The following PRG4 variants were observed in gnomAD, a reference collection of about 807,000 sequenced individuals.
The protein encoded by PRG4 is articular superficial zone protein.
PRG4 carries 61 observed loss-of-function variants against 91.2 expected under a neutral mutation model. The observed-to-expected ratio is 0.67, with a 90% CI of 0.54 to 0.83. The LOEUF (loss-of-function observed/expected upper bound fraction) is 0.83, where lower values mean the gene tolerates loss of function less well. Among genes scored for constraint, PRG4 ranks in the 40% least tolerant of loss-of-function variants. The pLI, the probability that PRG4 is intolerant of heterozygous loss-of-function variation, is 0.00. For synonymous variants in PRG4, 576 were observed against 614.2 expected (o/e 0.94, Z 0.92); for missense variants, 1,564 against 1,714.2 (o/e 0.91, Z 1.55).
chr1:186,296,843 C>T lies in PRG4; in HGVS notation c.-30-3C>T, dbSNP rs770412448. 3.9e-6 allele frequency: 6 copies of T among 1,544,592 alleles called. No homozygotes were observed. In the East Asian group the frequency reaches 1.3e-4, roughly 35 times the overall value. ...TTTTCTGATACTTTTATTTTATTTT[C>T]AGCAAGGGTACCTACGGTACCTGAA... is the stretch of plus-strand genomic sequence containing the variant. On this transcript the variant is annotated splice_region_variant and splice_polypyrimidine_tract_variant and intron_variant, in intron 1 of 12. Coordinates refer to ENST00000445192, the MANE Select transcript of PRG4 (RefSeq NM_005807.6).
intron 10 of PRG4, chr1:186,311,944 GAAATT>G (rs1468379618): frequency 5.0e-5 from 27 of 543,914 alleles, no homozygotes; most frequent in Middle Eastern, 4.8e-4. Context: ...ACTTTCAATT[GAAATT>G]AAATATATAA....
At position 186,306,480 on chromosome 1, in the gene PRG4, C is replaced by T. The variant is rs1160449211; in HGVS notation, c.761C>T (p.Thr254Ile). 1 of 1,613,604 alleles carries T rather than the reference C, an allele frequency of 6.2e-7. No homozygotes were observed. The highest frequency in any genetic ancestry group is 1.3e-5 in the African/African-American group (1 of 74,854). The change falls in exon 7 of 13, where the codon ACA becomes ATA. Residue 254 changes from threonine (T) to isoleucine (I), a missense_variant. Physicochemically the swap from Thr to Ile is moderately conservative, Grantham distance 89. Coordinates refer to ENST00000445192, the MANE Select transcript of PRG4 (RefSeq NM_005807.6). The stretch of plus-strand genomic sequence containing the variant: ...GTCAGCACATCTCCCAAGATCACAA[C>T]AGCAAAACCAATAAATCCCAGACCC... ...NKVSTSPKIT[T>I]AKPINPRPSL... is the part of the protein sequence containing the mutation.
intron 12 of PRG4, chr1:186,313,358 G>A (rs1657425539): frequency 3.1e-6 from 1 of 326,696 alleles, no homozygotes; most frequent in Non-Finnish European, 5.7e-6. Flanking sequence ...TAATATGAAT[G>A]ACATTGGCAT....
chr1:186,306,588 C>T lies in PRG4; in HGVS notation c.869C>T (p.Thr290Ile). The T allele has an allele frequency of 2.5e-6, 4 of 1,613,414 alleles. No homozygotes were observed. Among genetic ancestry groups the T allele is most frequent in the Non-Finnish European group, 3.4e-6 (4 of 1,179,600 alleles). The change falls in exon 7 of 13, where the codon ACT (threonine) becomes ATT (isoleucine). Residue 290 changes from threonine to isoleucine, a missense_variant. Physicochemically the swap from Thr to Ile is moderately conservative, Grantham distance 89. Coordinates refer to ENST00000445192, the MANE Select transcript of PRG4 (RefSeq NM_005807.6). ...KETTVETKET[T>I]TTNKQTSTDG... ...ACAACAGTTGAAACTAAAGAAACTA[C>T]TACAACAAATAAACAGACTTCAACT...
In PRG4 at chr1:186,312,294, G is replaced by T. The variant is rs772720067; in HGVS notation, c.3913G>T (p.Glu1305Ter). The T allele has an allele frequency of 6.2e-6, 10 of 1,613,804 alleles. No individual in the cohort carries two copies. In the South Asian group the frequency reaches 1.1e-4, roughly 18 times the overall value. Residue 1305 changes from glutamate to a stop codon, truncating the protein, a stop_gained, in exon 11 of 13, where the codon GAA becomes TAA. Coordinates refer to ENST00000445192, the MANE Select transcript of PRG4 (RefSeq NM_005807.6). LOFTEE classifies it high-confidence loss of function. ...ETTQVRRRRF[E>*]RAIGPSQTHT... ...GACACAGGTTAGGAGACGTCGCTTT[G>T]AACGTGCTATAGGACCTTCTCAAAC...
Position 186,308,002 on chromosome 1 carries a change from C to T in PRG4, c.2283C>T (p.Thr761=). 1 of 1,608,004 alleles carries T rather than the reference C, an allele frequency of 6.2e-7. No individual in the cohort carries two copies. The highest frequency in any genetic ancestry group is 8.5e-7 in the Non-Finnish European group (1 of 1,178,524). Residue 761 remains threonine (T), a synonymous_variant, in exon 7 of 13, where the codon ACC becomes ACT. Transcript: ENST00000445192. ...PTTPKGTAPT[T]PKEPAPTTPK... ...CCCCTAAGGGGACTGCTCCAACTAC[C>T]CCTAAGGAGCCTGCTCCAACTACCC... is the stretch of plus-strand genomic sequence containing the variant.
At chr1:186,312,034 A>T (rs1657284302) in intron 10 of PRG4, 141 bp from the exon 11 acceptor site, 1 of 664,264 alleles carries the variant, frequency 1.5e-6, no homozygotes, top group Non-Finnish European at 2.6e-6. Context: ...CCCTTGACTA[A>T]TAGCCATTAT....
rs1657502441 is a variant in PRG4 at position 186,314,261 on chromosome 1, C to A, written c.*483C>A. The stretch of plus-strand genomic sequence containing the variant: ...GAAATATTAAAATTTTACACTTTTA[C>A]TAGCTAAAACATAATCACAAAGCTT... On this transcript the variant is annotated 3_prime_UTR_variant, in exon 13 of 13. Coordinates refer to ENST00000445192, the MANE Select transcript of PRG4 (RefSeq NM_005807.6). The A allele has an allele frequency of 5.0e-5, 23 of 463,740 alleles. No homozygotes were observed. In the South Asian group the frequency reaches 7.9e-4, roughly 16 times the overall value. The allele number at this position is 463,740 out of a possible 1,614,324, so 28.7% of individuals were successfully genotyped here.
In PRG4 at chr1:186,308,549, A is replaced by G. The variant is rs200451079; in HGVS notation, c.2830A>G (p.Thr944Ala). Residue 944 changes from threonine (T) to alanine (A), a missense_variant, in exon 7 of 13, where the codon ACA becomes GCA. Thr to Ala is a moderately conservative substitution (Grantham distance 58, BLOSUM62 0). Transcript: ENST00000445192. ...TAAGATGACAAAAGAGACAGCAACTACAACAGAAAAAACTACCGAATCCAA... is the reference window on the plus strand; with the variant it reads ...TAAGATGACAAAAGAGACAGCAACTGCAACAGAAAAAACTACCGAATCCAA... Reference protein sequence around the residue: ...APKMTKETATTTEKTTESKIT... With the variant: ...APKMTKETATATEKTTESKIT... The G allele has an allele frequency of 1.7e-4, 272 of 1,613,582 alleles. 1 individual carries two copies. Among genetic ancestry groups the G allele is most frequent in the Middle Eastern group, 1.6e-4 (1 of 6,084 alleles).
chr1:186,312,466 C>T (rs1482964410), intron 11 of PRG4, 94 bp downstream of exon 11: 1 of 1,199,402 alleles, frequency 8.3e-7, no homozygotes, highest in East Asian at 2.4e-5. Context: ...GGATACTGAT[C>T]AAACAGCCCT....
rs1483891048 is a variant in PRG4, at chr1:186,314,296, G to A, written c.*518G>A. 7.6e-6 allele frequency: 3 copies of A among 396,278 alleles called. No homozygotes were observed. The highest frequency in any genetic ancestry group is 4.3e-5 in the East Asian group (1 of 23,348). The allele number at this position is 396,278 out of a possible 1,614,324, so 24.5% of individuals were successfully genotyped here. The stretch of plus-strand genomic sequence containing the variant: ...CATAATCACAAAGCTTTATCGTGTT[G>A]TATAAAAAAATTAACAATATAATGG... On this transcript the variant is annotated 3_prime_UTR_variant, in exon 13 of 13. Coordinates refer to ENST00000445192, the MANE Select transcript of PRG4 (RefSeq NM_005807.6).
In PRG4 at chr1:186,313,479, A is replaced by ATTT; in HGVS notation, c.4118-201_4118-200insTTT. ...CCTGATTTTACAAAAAGATGGTGAA[A>ATTT]TGTCAATCTTTTGAAACATCAAAAA... On this transcript the variant is annotated intron_variant, in intron 12 of 12. Coordinates refer to ENST00000445192, the MANE Select transcript of PRG4 (RefSeq NM_005807.6). 1.1e-5 allele frequency: 6 copies of ATTT among 525,732 alleles called. No homozygotes were observed. The East Asian group carries it at 1.9e-4, about 16-fold the overall frequency. 32.6% of individuals were successfully genotyped at this position (525,732 alleles called of 1,614,324 possible).
chr1:186,309,838 C>A lies in PRG4; in HGVS notation c.3467C>A (p.Thr1156Asn). ...CNGKPVDGLT[T>N]LRNGTLVAFR... is the part of the protein sequence containing the mutation. ...GGTAAGCCAGTAGATGGACTGACTA[C>A]TTTGCGCAATGGGACATTAGTTGCA... The change falls in exon 8 of 13, where the codon ACT (threonine) becomes AAT (asparagine). Residue 1156 changes from threonine (T) to asparagine (N), a missense_variant. By Grantham distance (65) the Thr-to-Asn change is moderately conservative (BLOSUM62 0). Around this residue, in one of 3 missense-constraint regions of PRG4, gnomAD observed 1,079 missense variants for 1,162.2 expected, o/e 0.93. Transcript: ENST00000445192. 6.2e-7 allele frequency: 1 copy of A among 1,613,768 alleles called. No homozygotes were observed. Among genetic ancestry groups the A allele is most frequent in the Non-Finnish European group, 8.5e-7 (1 of 1,179,776 alleles).
chr1:186,313,692 A>C lies in PRG4; in HGVS notation c.4129A>C (p.Asn1377His). The part of the protein sequence containing the change: ...YYAFSKDQYY[N>H]IDVPSRTARA... Reference sequence around the variant, plus strand: ...TCTCTTCCATTTAGATCAATACTATAACATTGATGTGCCTAGTAGAACAGC... The same window carrying C: ...TCTCTTCCATTTAGATCAATACTATCACATTGATGTGCCTAGTAGAACAGC... The change falls in exon 13 of 13, where the codon AAC (asparagine) becomes CAC (histidine). Residue 1377 changes from asparagine (N) to histidine (H), a missense_variant. Transcript: ENST00000445192. 2 of 1,597,784 alleles carry C rather than the reference A, an allele frequency of 1.3e-6. No individual in the cohort carries two copies. Among genetic ancestry groups the C allele is most frequent in the South Asian group, 2.2e-5 (2 of 90,724 alleles).
Position 186,311,574 on chromosome 1 carries a change from A to G in PRG4, c.3771A>G (p.Glu1257=). 6.2e-7 allele frequency: 1 copy of G among 1,614,026 alleles called. No homozygotes were observed. The highest frequency in any genetic ancestry group is 8.5e-7 in the Non-Finnish European group (1 of 1,179,938). The change falls in exon 10 of 13, where the codon GAA becomes GAG. Residue 1257 remains glutamate, a synonymous_variant. Transcript: ENST00000445192. ...LSTAKYKNWP[E]SVYFFKRGGS... ...CAGCTAAATATAAGAACTGGCCTGA[A>G]TCTGTGTATTTTTTCAAGAGAGGTA...
rs188799664 is a variant in PRG4 at position 186,313,892 on chromosome 1, A to C, written c.*114A>C. 19 of 1,528,052 alleles carry C rather than the reference A, an allele frequency of 1.2e-5. No homozygotes were observed. Among genetic ancestry groups the C allele is most frequent in the Admixed American group, 1.7e-5 (1 of 59,518 alleles). 94.7% of individuals were successfully genotyped at this position (1,528,052 alleles called of 1,614,324 possible). On this transcript the variant is annotated 3_prime_UTR_variant, in exon 13 of 13. Transcript: ENST00000445192. ...ATGAGTATACCAGTTTATATATAAA[A>C]ATGTTTTTAAACTTGACAATCATTA...
In PRG4 at chr1:186,306,408, A is replaced by T. The variant is rs1656564679; in HGVS notation, c.689A>T (p.Asp230Val). The change falls in exon 7 of 13, where the codon GAC becomes GTC. Residue 230 changes from aspartate to valine, a missense_variant. By Grantham distance (152) the Asp-to-Val change is radical. This residue lies in a region of PRG4 where 437 missense variants were observed against 459.0 expected (regional missense o/e 0.95). Coordinates refer to ENST00000445192, the MANE Select transcript of PRG4 (RefSeq NM_005807.6). ...GCTGGAAGTGGATTGGACAATGGTG[A>T]CTTCAAGGTCACAACTCCTGACACG... is the stretch of plus-strand genomic sequence containing the variant. ...DEAGSGLDNG[D>V]FKVTTPDTST... 2.5e-6 allele frequency: 4 copies of T among 1,613,420 alleles called. No homozygotes were observed. Among genetic ancestry groups the T allele is most frequent in the Non-Finnish European group, 3.4e-6 (4 of 1,179,492 alleles).
rs1656729601 is a variant in PRG4, at chr1:186,307,399, T to C, written c.1680T>C (p.Pro560=). ...KEPSPTTTKE[P]APTTPKEPAP... Reference sequence around the variant, plus strand: ...CTTCACCCACCACCACCAAGGAGCCTGCACCCACCACTCCCAAGGAGCCTG... The same window carrying C: ...CTTCACCCACCACCACCAAGGAGCCCGCACCCACCACTCCCAAGGAGCCTG... Residue 560 remains proline, a synonymous_variant, in exon 7 of 13, where the codon CCT becomes CCC. Coordinates refer to ENST00000445192, the MANE Select transcript of PRG4 (RefSeq NM_005807.6). 3 of 1,571,378 alleles carry C rather than the reference T, an allele frequency of 1.9e-6. No individual in the cohort carries two copies. The African/African-American group carries it at 4.8e-5, about 25-fold the overall frequency.
In PRG4 at chr1:186,304,844, T is replaced by C; in HGVS notation, c.520T>C (p.Ser174Pro). Residue 174 changes from serine (S) to proline (P), a missense_variant, in exon 6 of 13, where the codon TCT (serine) becomes CCT (proline). By Grantham distance (74) the Ser-to-Pro change is moderately conservative. Around this residue, in one of 3 missense-constraint regions of PRG4, gnomAD observed 437 missense variants for 459.0 expected, o/e 0.95. Coordinates refer to ENST00000445192, the MANE Select transcript of PRG4 (RefSeq NM_005807.6). The stretch of plus-strand genomic sequence containing the variant: ...GTCCTCCTCCTCCTCCTCCTCTTCC[T>C]CTTCTTCTTCAACAATTCGGAAAAT... ...QESSSSSSSS[S>P]SSSTIRKIKS... The C allele has an allele frequency of 6.2e-7, 1 of 1,612,162 alleles. No individual in the cohort carries two copies. The highest frequency in any genetic ancestry group is 8.5e-7 in the Non-Finnish European group (1 of 1,178,406).
Sources: gnomAD v4.1 joint callset for allele counts on GRCh38, gnomAD v4.1.1 for gene constraint, gnomAD v4.1.1 regional missense constraint, MANE v1.5 for transcripts, NCBI Gene and HGNC (gene_info 2026-07-23, HGNC 2026-07-21) for gene names.